Variants in PACS1 observed in about 807,000 individuals in gnomAD.
The protein encoded by PACS1 is PACS-1.
PACS1 carries 24 observed loss-of-function variants against 115.0 expected under a neutral mutation model. The ratio of observed to expected loss-of-function variants is 0.21; its 90% CI spans 0.15 to 0.29. PACS1 has a LOEUF of 0.29. Among genes scored for constraint, PACS1 ranks in the 10% least tolerant of loss-of-function variants. PACS1 has a pLI of 1.00. For synonymous variants in PACS1, 453 were observed against 504.5 expected (o/e 0.90, Z 1.37); for missense variants, 838 against 1,251.2 (o/e 0.67, Z 4.98).
At chr11:66,232,035 G>C in intron 13 of PACS1, 137 bp from the exon 14 acceptor site, 1 of 613,138 alleles carries the variant, frequency 1.6e-6, no homozygotes, top group Non-Finnish European at 2.9e-6. Flanking sequence ...GGGAGACTGA[G>C]TCTCCCTCCC....
In PACS1 at chr11:66,212,277, G is replaced by A. The variant is rs1298310666; in HGVS notation, c.660+1018G>A. On this transcript the variant is annotated intron_variant, in intron 4 of 23. Coordinates refer to ENST00000320580, the MANE Select transcript of PACS1 (RefSeq NM_018026.4). Reference sequence around the variant, plus strand: ...CTCCTGAGTAGCTGGGACTACAGGCGTGCACCACCATGCCCAGCTAATTTT... The same window carrying A: ...CTCCTGAGTAGCTGGGACTACAGGCATGCACCACCATGCCCAGCTAATTTT... Among the ~76,000 whole-genome samples, 8 of 150,956 alleles carry A rather than the reference G, an allele frequency of 5.3e-5. No homozygotes were observed. In the East Asian group the frequency reaches 5.8e-4, roughly 11 times the overall value.
At chr11:66,195,040 A>G (rs959332662) in intron 2 of PACS1, among the ~76,000 whole-genome samples, 5 of 152,174 alleles carry the variant, frequency 3.3e-5, no homozygotes, top group Non-Finnish European at 2.9e-5. Flanking sequence ...CCTGGCCAAC[A>G]TGGTGAAACC....
intron 1 of PACS1, among the ~76,000 whole-genome samples, chr11:66,139,394 C>T (rs1375551030): frequency 6.6e-6 from 1 of 151,984 alleles, no homozygotes; most frequent in Non-Finnish European, 1.5e-5. Flanking sequence ...GTACTATAGT[C>T]ACCCTGTTGT....
Position 66,235,955 on chromosome 11 carries a change from C to A in PACS1, c.2250+15C>A. On this transcript the variant is annotated intron_variant, in intron 19 of 23. Transcript: ENST00000320580. The surrounding 1 kb of genome is among the most constrained non-coding windows in gnomAD (Gnocchi z 5.6). ...CCTTCATTGGCGTGAGTACTGACTC[C>A]CTCTGCTTGGCACCCCACCCGTTCT... is the stretch of plus-strand genomic sequence containing the variant. 6.2e-7 allele frequency: 1 copy of A among 1,611,940 alleles called. No homozygotes were observed. The highest frequency in any genetic ancestry group is 8.5e-7 in the Non-Finnish European group (1 of 1,178,030).
chr11:66,146,062 T>C (rs1327520249), intron 1 of PACS1, among the ~76,000 whole-genome samples: 3 of 152,152 alleles, frequency 2.0e-5, no homozygotes, highest in African/African-American at 7.2e-5. Flanking sequence ...TTTTTTAAAA[T>C]TATGATTATG....
At chr11:66,080,060 C>T (rs888227268) in intron 1 of PACS1, among the ~76,000 whole-genome samples, 1 of 152,254 alleles carries the variant, frequency 6.6e-6, no homozygotes, top group Non-Finnish European at 1.5e-5. Context: ...TACTTCACAC[C>T]TACTCGCCAT....
chr11:66,237,139 G>A (rs1052545849), intron 19 of PACS1, among the ~76,000 whole-genome samples: 10 of 152,178 alleles, frequency 6.6e-5, no homozygotes, highest in African/African-American at 2.4e-4. Context: ...GGATGGTCTC[G>A]ATCTCTTGAC....
chr11:66,240,787 T>A (rs1256887471), intron 21 of PACS1, among the ~76,000 whole-genome samples: 4 of 152,016 alleles, frequency 2.6e-5, no homozygotes, highest in Admixed American at 2.0e-4. Flanking sequence ...TTAATCTTGT[T>A]TTTTAATGGA....
chr11:66,096,132 C>T (rs1211094365), intron 1 of PACS1, among the ~76,000 whole-genome samples: 1 of 151,288 alleles, frequency 6.6e-6, no homozygotes, highest in Non-Finnish European at 1.5e-5. Context: ...CGGGGTTTTG[C>T]CAATTGCCCA....
intron 1 of PACS1, among the ~76,000 whole-genome samples, chr11:66,113,871 T>C (rs998314260): frequency 1.3e-5 from 2 of 152,176 alleles, no homozygotes; most frequent in African/African-American, 2.4e-5. Flanking sequence ...ATTAATACAT[T>C]ATTTTGCAAG....
chr11:66,070,887 C>T lies in PACS1; in HGVS notation c.356+45C>T. 1 of 1,393,574 alleles carries T rather than the reference C, an allele frequency of 7.2e-7. No homozygotes were observed. Among genetic ancestry groups the T allele is most frequent in the South Asian group, 1.6e-5 (1 of 62,784 alleles). 86.3% of individuals were successfully genotyped at this position (1,393,574 alleles called of 1,614,324 possible). ...GCGGGGCGCCGGGGGAGCGGGGTGG[C>T]CGCCGGGGCCCAGCCCTCCCCGCCC... is the stretch of plus-strand genomic sequence containing the variant. On this transcript the variant is annotated intron_variant, in intron 1 of 23. Coordinates refer to ENST00000320580, the MANE Select transcript of PACS1 (RefSeq NM_018026.4). The surrounding 1 kb of genome is among the most constrained non-coding windows in gnomAD (Gnocchi z 5.9).
intron 1 of PACS1, among the ~76,000 whole-genome samples, chr11:66,191,856 C>T (rs1448003266): frequency 5.3e-5 from 8 of 152,122 alleles, no homozygotes; most frequent in Non-Finnish European, 2.9e-5. Flanking sequence ...AAACCGGTCT[C>T]TACTAAAAAT....
intron 2 of PACS1, among the ~76,000 whole-genome samples, chr11:66,197,011 T>G (rs1854666636): frequency 6.6e-6 from 1 of 152,240 alleles, no homozygotes. Flanking sequence ...GAAGTGATAT[T>G]AAACATTTTT....
intron 10 of PACS1, among the ~76,000 whole-genome samples, chr11:66,225,643 A>T (rs1034289752): frequency 9.9e-5 from 15 of 152,226 alleles, no homozygotes; most frequent in African/African-American, 3.6e-4. Flanking sequence ...GCTGGGAGGA[A>T]TAAAGATCTT....
chr11:66,109,891 T>G (rs745415371), intron 1 of PACS1, among the ~76,000 whole-genome samples: 7 of 152,240 alleles, frequency 4.6e-5, no homozygotes, highest in Non-Finnish European at 1.0e-4. Flanking sequence ...CAGCCAGCAT[T>G]AATACTCTGT....
At chr11:66,213,595 G>A (rs559723107) in intron 4 of PACS1, among the ~76,000 whole-genome samples, 16 of 152,346 alleles carry the variant, frequency 1.1e-4, no homozygotes, top group African/African-American at 2.4e-4. Flanking sequence ...ACATGTGCTC[G>A]TGTCTACACA....
intron 11 of PACS1, among the ~76,000 whole-genome samples, chr11:66,229,449 C>T (rs1181808587): frequency 6.6e-6 from 1 of 151,640 alleles, no homozygotes; most frequent in African/African-American, 2.4e-5. Context: ...CCTGTAATCC[C>T]AGCACTTTGG....
Position 66,238,784 on chromosome 11 carries a change from T to C in PACS1, c.2251-20T>C, listed in dbSNP as rs1431381316. Reference sequence around the variant, plus strand: ...TGCTTTAACAGGAGGATCTAATGAGTGCCTCTTCTCTCCTTGCAGGTGGTG... The same window carrying C: ...TGCTTTAACAGGAGGATCTAATGAGCGCCTCTTCTCTCCTTGCAGGTGGTG... On this transcript the variant is annotated intron_variant, in intron 19 of 23. Coordinates refer to ENST00000320580, the MANE Select transcript of PACS1 (RefSeq NM_018026.4). The C allele has an allele frequency of 2.5e-6, 4 of 1,579,372 alleles. No homozygotes were observed. Among genetic ancestry groups the C allele is most frequent in the Non-Finnish European group, 3.4e-6 (4 of 1,159,934 alleles).
chr11:66,241,024 CTT>C (rs924466297), intron 21 of PACS1: 6 of 155,270 alleles, frequency 3.9e-5, no homozygotes, highest in African/African-American at 1.4e-4. Flanking sequence ...GGGCTCAGGC[CTT>C]CTCTCCAGCT....
Sources: allele counts gnomAD v4.1 joint callset (sites outside exome capture counted in the v4.1 genomes callset), GRCh38; gene constraint gnomAD v4.1.1; non-coding constraint Gnocchi (gnomAD v3.1); transcripts MANE v1.5; gene names NCBI Gene and HGNC (gene_info 2026-07-23, HGNC 2026-07-21).